RCOR3: variants seen among roughly 807,000 people sequenced by gnomAD.
The protein encoded by RCOR3 is REST corepressor 3.
A neutral mutation model predicts 64.1 loss-of-function variants in RCOR3; 13 were observed. The ratio of observed to expected loss-of-function variants is 0.20; its 90% confidence interval spans 0.13 to 0.32. The LOEUF (loss-of-function observed/expected upper bound fraction) is 0.32, where lower values mean the gene tolerates loss of function less well. Among genes scored for constraint, RCOR3 ranks in the 10% least tolerant of loss-of-function variants. The pLI, the probability that RCOR3 is intolerant of heterozygous loss-of-function variation, is 1.00. For synonymous variants in RCOR3, 215 were observed against 239.0 expected (o/e 0.90, Z 0.93); for missense variants, 489 against 701.2 (o/e 0.70, Z 3.42).
At chr1:211,292,895 C>T (rs1699401610) in intron 8 of RCOR3, among the ~76,000 whole-genome samples, 2 of 151,930 alleles carry the variant, frequency 1.3e-5, no homozygotes, top group Admixed American at 6.6e-5. Flanking sequence ...ACCAGCCTGG[C>T]CAACATGGTG....
intron 7 of RCOR3, among the ~76,000 whole-genome samples, chr1:211,288,576 A>T (rs1558080975): frequency 6.8e-6 from 1 of 147,128 alleles, no homozygotes; most frequent in South Asian, 2.1e-4. Flanking sequence ...ATTTTATTAT[A>T]TTTATTTTAT....
intron 10 of RCOR3, among the ~76,000 whole-genome samples, chr1:211,307,239 A>G (rs1700932877): frequency 6.6e-6 from 1 of 152,198 alleles, no homozygotes; most frequent in Non-Finnish European, 1.5e-5. Context: ...CTGTAATCCT[A>G]GCACTTTGGG....
At chr1:211,295,318 A>T (rs1245374294) in intron 8 of RCOR3, among the ~76,000 whole-genome samples, 1 of 152,200 alleles carries the variant, frequency 6.6e-6, no homozygotes, top group Admixed American at 6.5e-5. Context: ...AGCTACCATC[A>T]TCATTACTAT....
chr1:211,295,497 A>G (rs1699769425), intron 8 of RCOR3, among the ~76,000 whole-genome samples, 179 bp from the exon 9 acceptor site: 2 of 152,230 alleles, frequency 1.3e-5, no homozygotes, highest in Admixed American at 1.3e-4. Flanking sequence ...ATGTTTAATT[A>G]GTTCATACAT....
At chr1:211,281,393 A>G (rs1697790128) in intron 7 of RCOR3, among the ~76,000 whole-genome samples, 1 of 152,048 alleles carries the variant, frequency 6.6e-6, no homozygotes, top group Non-Finnish European at 1.5e-5. Flanking sequence ...CCTTCTTCTT[A>G]GGTTCTCGTC....
rs768152573 is a variant in RCOR3, at chr1:211,272,612, CTTTTTTTTTTT to C, written c.301+1320_301+1330del. 4.1e-4 allele frequency among the ~76,000 whole-genome samples: 18 copies of C among 43,514 alleles called. 1 individual carries two copies. The highest frequency in any genetic ancestry group is 6.8e-4 in the Non-Finnish European group (18 of 26,414). The allele number at this position is 43,514 out of a possible 152,430, so 28.5% of individuals were successfully genotyped here. A position where few individuals can be genotyped will look rare whatever the true frequency, so the allele number is the denominator to read the frequency against. ...TCAAGGGTGGATCCTGGATGTCTTA[CTTTTTTTTTTT>C]TTTTTTTTTTTTTTTTGAGACGGAG... is the stretch of plus-strand genomic sequence containing the variant. On this transcript the variant is annotated intron_variant, in intron 3 of 11. Coordinates refer to ENST00000419091, the MANE Select transcript of RCOR3 (RefSeq NM_001136223.3).
In RCOR3 at chr1:211,259,593, A is replaced by G; in HGVS notation, c.33A>G (p.Leu11=). 6.5e-7 allele frequency: 1 copy of G among 1,546,394 alleles called. No individual in the cohort carries two copies. Among genetic ancestry groups the G allele is most frequent in the Non-Finnish European group, 8.7e-7 (1 of 1,145,596 alleles). ...GCATGATGGAGAAAGGGCCCGAGTT[A>G]CTGGGGAAGAACCGATCGGCCAACG... MPGMMEKGPE[L]LGKNRSANGS... Residue 11 remains leucine, a synonymous_variant, in exon 1 of 12, where the codon TTA becomes TTG. Coordinates refer to ENST00000419091, the MANE Select transcript of RCOR3 (RefSeq NM_001136223.3).
intron 9 of RCOR3, chr1:211,303,450 A>G (rs1406721559): frequency 6.6e-6 from 1 of 152,228 alleles, no homozygotes; most frequent in Non-Finnish European, 1.5e-5. Context: ...TCCTTCTGCA[A>G]ACCCCTGCAT....
At chr1:211,285,116 G>A (rs1046055263) in intron 7 of RCOR3, among the ~76,000 whole-genome samples, 1 of 152,074 alleles carries the variant, frequency 6.6e-6, no homozygotes, top group Admixed American at 6.5e-5. Context: ...TTCCTATATA[G>A]TGATTTATAT....
chr1:211,276,242 G>C lies in RCOR3; in HGVS notation c.355-15G>C. The C allele has an allele frequency of 6.2e-7, 1 of 1,608,504 alleles. No homozygotes were observed. Among genetic ancestry groups the C allele is most frequent in the South Asian group, 1.1e-5 (1 of 89,988 alleles). ...AAGTCCATTAAAACCAAAGGGGAAT[G>C]ATTTCTCTTCAAAGGCACTTGGCAT... On this transcript the variant is annotated splice_polypyrimidine_tract_variant and intron_variant, in intron 4 of 11. Transcript: ENST00000419091.
intron 7 of RCOR3, among the ~76,000 whole-genome samples, chr1:211,283,758 T>C (rs913533648): frequency 6.6e-6 from 1 of 151,904 alleles, no homozygotes; most frequent in South Asian, 2.1e-4. Flanking sequence ...ATCCGCCTGC[T>C]TCATGCTCCC....
chr1:211,278,422 C>T (rs1024815866), intron 6 of RCOR3, among the ~76,000 whole-genome samples, 181 bp downstream of exon 6: 9 of 152,126 alleles, frequency 5.9e-5, no homozygotes, highest in Non-Finnish European at 1.3e-4. Flanking sequence ...GCTCTTTCAC[C>T]TCTTTTAATT....
intron 2 of RCOR3, among the ~76,000 whole-genome samples, chr1:211,268,625 C>T (rs1695640443): frequency 6.6e-6 from 1 of 152,040 alleles, no homozygotes; most frequent in Non-Finnish European, 1.5e-5. Flanking sequence ...GATCCGTCCA[C>T]CTCGGCCTCT....
intron 2 of RCOR3, among the ~76,000 whole-genome samples, chr1:211,262,514 T>C (rs1049767215): frequency 2.0e-5 from 3 of 152,218 alleles, no homozygotes; most frequent in Admixed American, 2.0e-4. Flanking sequence ...TTCCAAATTA[T>C]ACCTCAGCAG....
chr1:211,294,157 AT>A (rs1157562421), intron 8 of RCOR3, among the ~76,000 whole-genome samples: 3 of 152,178 alleles, frequency 2.0e-5, no homozygotes, highest in Non-Finnish European at 4.4e-5. Context: ...TTTATGTATG[AT>A]TTTTGTCAGC....
chr1:211,302,071 A>G (rs984711847), intron 9 of RCOR3: 1 of 152,212 alleles, frequency 6.6e-6, no homozygotes, highest in African/African-American at 2.4e-5. Context: ...TCATTAATCC[A>G]TGTAATGCAT....
At chr1:211,286,492 A>G (rs1698562729) in intron 7 of RCOR3, among the ~76,000 whole-genome samples, 1 of 152,006 alleles carries the variant, frequency 6.6e-6, no homozygotes, top group Non-Finnish European at 1.5e-5. Context: ...TATTTTTAAT[A>G]GAGATGGGGT....
At chr1:211,285,994 T>C (rs1698467986) in intron 7 of RCOR3, among the ~76,000 whole-genome samples, 1 of 152,232 alleles carries the variant, frequency 6.6e-6, no homozygotes, top group South Asian at 2.1e-4. Flanking sequence ...CCATTTTTCT[T>C]CTGTTAAGTA....
intron 8 of RCOR3, among the ~76,000 whole-genome samples, chr1:211,293,823 A>AATT: frequency 6.6e-6 from 1 of 152,200 alleles, no homozygotes; most frequent in East Asian, 1.9e-4. Context: ...ATAGTTCATA[A>AATT]ATTATAAGTA....
Sources: allele counts gnomAD v4.1 joint callset (sites outside exome capture counted in the v4.1 genomes callset), GRCh38; gene constraint gnomAD v4.1.1; transcripts MANE v1.5; gene names NCBI Gene and HGNC (gene_info 2026-07-23, HGNC 2026-07-21).